SOX6: variants seen among roughly 807,000 people sequenced by gnomAD.
The protein encoded by SOX6 is SRY-box transcription factor 6.
SOX6 carries 11 observed loss-of-function variants against 97.8 expected under a neutral mutation model. The ratio of observed to expected loss-of-function variants is 0.11; its 90% CI spans 0.07 to 0.19. The LOEUF is 0.19. Among genes scored for constraint, SOX6 ranks in the 10% least tolerant of loss-of-function variants. The pLI is 1.00. For missense variants in SOX6, 810 were observed against 1,039.5 expected, an observed-to-expected ratio of 0.78 and a Z score of 3.04; for synonymous variants, 360 against 371.4, an observed-to-expected ratio of 0.97 and a Z score of 0.35.
chr11:16,312,621 C>A (rs1855637351), intron 3 of SOX6: 1 of 152,202 alleles, frequency 6.6e-6, no homozygotes, highest in African/African-American at 2.4e-5. Flanking sequence ...GGGCCATATT[C>A]TCCTAGGCAG....
At chr11:16,651,622 C>T (rs1006221447) in intron 3 of SOX6, among the ~76,000 whole-genome samples, 2 of 152,062 alleles carry the variant, frequency 1.3e-5, no homozygotes, top group African/African-American at 4.8e-5. Flanking sequence ...AGGGACTTAC[C>T]TCAAAGTAAT....
chr11:16,193,975 C>T (rs916612729), intron 4 of SOX6, among the ~76,000 whole-genome samples: 14 of 152,184 alleles, frequency 9.2e-5, no homozygotes, highest in African/African-American at 3.4e-4. Flanking sequence ...CTCAGTCCAT[C>T]ATTTAGCATT....
chr11:16,139,989 AC>A (rs1839380362), intron 6 of SOX6, among the ~76,000 whole-genome samples: 1 of 148,990 alleles, frequency 6.7e-6, no homozygotes, highest in Non-Finnish European at 1.5e-5. Flanking sequence ...AATATGACAT[AC>A]GGGAGATAGG....
chr11:16,517,860 T>C (rs1448151456), intron 4 of SOX6, among the ~76,000 whole-genome samples: 1 of 152,222 alleles, frequency 6.6e-6, no homozygotes, highest in Non-Finnish European at 1.5e-5. Flanking sequence ...GAAATATTTG[T>C]CATTATTTAT....
intron 1 of SOX6, among the ~76,000 whole-genome samples, chr11:16,438,584 G>A (rs956987631): frequency 5.3e-5 from 8 of 152,104 alleles, no homozygotes; most frequent in Non-Finnish European, 7.4e-5. Flanking sequence ...AAATCTTCAA[G>A]TCTTTCTTAG....
upstream of SOX6, among the ~76,000 whole-genome samples, chr11:16,360,636 T>C (rs1857189368): frequency 6.6e-6 from 1 of 152,092 alleles, no homozygotes. Flanking sequence ...TCCCCCAAGA[T>C]AACTGGCAGA....
rs914524348 is a variant in SOX6, at chr11:16,617,700, A to G, written n.430-5440T>C. Among the ~76,000 whole-genome samples, 3 of 151,896 alleles carry G rather than the reference A, an allele frequency of 2.0e-5. No individual in the cohort carries two copies. The East Asian group carries it at 5.8e-4, about 29-fold the overall frequency. The stretch of plus-strand genomic sequence containing the variant: ...CCAATTTCTACCCGTTTAGAAATAG[A>G]GTACGAGCCTTTTAAAAACAAAAAT... On this transcript the variant is annotated intron_variant and non_coding_transcript_variant, in intron 3 of 5. Transcript: ENST00000524520.
chr11:16,502,026 G>A lies in SOX6; in HGVS notation n.610-25638C>T, dbSNP rs1306973285. Among the ~76,000 whole-genome samples the A allele has an allele frequency of 9.2e-5, 14 of 152,070 alleles. No individual in the cohort carries two copies. In the East Asian group the frequency reaches 1.2e-3, roughly 13 times the overall value. Reference sequence around the variant, plus strand: ...ACACATGCACACGTATGTTTATTGCGGCACTATTCACAATAGCAAAGACTT... The same window carrying A: ...ACACATGCACACGTATGTTTATTGCAGCACTATTCACAATAGCAAAGACTT... On this transcript the variant is annotated intron_variant and non_coding_transcript_variant, in intron 4 of 5. Transcript: ENST00000524520.
At chr11:16,403,832 A>G (rs981151995) in intron 1 of SOX6, among the ~76,000 whole-genome samples, 1 of 151,732 alleles carries the variant, frequency 6.6e-6, no homozygotes, top group Admixed American at 6.6e-5. Flanking sequence ...CCACTTTTGA[A>G]CTTCTTTGGT....
chr11:16,463,764 T>C lies in SOX6; in HGVS notation c.-5+12551A>G, dbSNP rs559427902. On this transcript the variant is annotated intron_variant, in intron 1 of 15. Coordinates refer to the SOX6 transcript ENST00000396356. ...TAGATATTTCAAATTGCTTCACAGC[T>C]GGCCATTCTAACAGTCTTATATATA... Among the ~76,000 whole-genome samples, 4 of 152,332 alleles carry C rather than the reference T, an allele frequency of 2.6e-5. No homozygotes were observed. In the East Asian group the frequency reaches 7.7e-4, roughly 29 times the overall value.
chr11:16,011,606 A>C (rs1258211232), intron 13 of SOX6, among the ~76,000 whole-genome samples: 2 of 152,096 alleles, frequency 1.3e-5, no homozygotes, highest in Admixed American at 6.6e-5. Flanking sequence ...GCTATGAAGC[A>C]TGTCTACAAG....
At chr11:16,645,438 T>G (rs1367366296) in intron 3 of SOX6, among the ~76,000 whole-genome samples, 1 of 152,194 alleles carries the variant, frequency 6.6e-6, no homozygotes, top group Non-Finnish European at 1.5e-5. Flanking sequence ...ATTAGTGTTA[T>G]GGGTTGAATT....
intron 3 of SOX6, among the ~76,000 whole-genome samples, chr11:16,267,571 G>A (rs1254984880): frequency 6.6e-6 from 1 of 151,562 alleles, no homozygotes; most frequent in African/African-American, 2.4e-5. Flanking sequence ...GTGGAGAAAA[G>A]GGAATTTTTG....
chr11:16,508,338 A>G (rs1860822616), intron 4 of SOX6, among the ~76,000 whole-genome samples: 2 of 152,306 alleles, frequency 1.3e-5, no homozygotes, highest in East Asian at 3.9e-4. Context: ...AGCATCCAGC[A>G]ATCCAGCTAC....
At chr11:16,492,363 C>A (rs1435722263) in intron 4 of SOX6, among the ~76,000 whole-genome samples, 1 of 152,186 alleles carries the variant, frequency 6.6e-6, no homozygotes, top group Non-Finnish European at 1.5e-5. Flanking sequence ...TCATCTCAAG[C>A]AATCACTGAA....
intron 4 of SOX6, among the ~76,000 whole-genome samples, chr11:16,545,101 A>T (rs946022744): frequency 2.0e-5 from 3 of 151,960 alleles, no homozygotes; most frequent in South Asian, 2.1e-4. Context: ...TATCTAAAAT[A>T]AAAAAAACAC....
At chr11:16,393,911 T>C (rs1345085941) in intron 1 of SOX6, among the ~76,000 whole-genome samples, 1 of 151,982 alleles carries the variant, frequency 6.6e-6, no homozygotes, top group African/African-American at 2.4e-5. Flanking sequence ...CTTAATCTTA[T>C]TGGGAGTGCA....
At position 16,613,402 on chromosome 11, in the gene SOX6, A is replaced by G. The variant is rs1021952494; in HGVS notation, n.430-1142T>C. Among the ~76,000 whole-genome samples the G allele has an allele frequency of 2.6e-5, 4 of 151,788 alleles. No individual in the cohort carries two copies. Among genetic ancestry groups the G allele is most frequent in the Non-Finnish European group, 2.9e-5 (2 of 67,978 alleles). Reference sequence around the variant, plus strand: ...GGTGTCACTAAAACGAGATTAGCAAATCTTCTACCGCTGGCGGCGGCAACC... The same window carrying G: ...GGTGTCACTAAAACGAGATTAGCAAGTCTTCTACCGCTGGCGGCGGCAACC... On this transcript the variant is annotated intron_variant and non_coding_transcript_variant, in intron 3 of 5. Coordinates refer to the SOX6 transcript ENST00000524520. The surrounding 1 kb of genome is among the most constrained non-coding windows in gnomAD (Gnocchi z 4.6).
chr11:16,212,331 A>G (rs888122535), intron 4 of SOX6, among the ~76,000 whole-genome samples: 1 of 152,124 alleles, frequency 6.6e-6, no homozygotes, highest in Non-Finnish European at 1.5e-5. Flanking sequence ...TATCAATTCA[A>G]TGAATATTTT....
Sources: gnomAD v4.1 joint callset for allele counts (sites outside exome capture counted in the v4.1 genomes callset) on GRCh38, gnomAD v4.1.1 for gene constraint, Gnocchi (gnomAD v3.1) non-coding constraint, MANE v1.5 for transcripts, NCBI Gene and HGNC (gene_info 2026-07-23, HGNC 2026-07-21) for gene names.